HS6ST3: variants seen among roughly 807,000 people sequenced by gnomAD.
HS6ST3 encodes heparan sulfate 6-O-sulfotransferase 3.
Under a neutral mutation model 36.7 loss-of-function variants are expected in HS6ST3, and 12 were observed. The ratio of observed to expected loss-of-function variants is 0.33; its 90% CI spans 0.21 to 0.53. The LOEUF (loss-of-function observed/expected upper bound fraction) is 0.53, where lower values mean the gene tolerates loss of function less well. HS6ST3 is among the 20% of genes least tolerant of loss of function. The pLI, the probability that HS6ST3 is intolerant of heterozygous loss-of-function variation, is 0.95. For synonymous variants in HS6ST3, 240 were observed against 257.5 expected (o/e 0.93, Z 0.65); for missense variants, 584 against 640.9 (o/e 0.91, Z 0.96).
intron 1 of HS6ST3, among the ~76,000 whole-genome samples, chr13:96,729,454 CTTTA>C (rs970929267): frequency 1.3e-5 from 2 of 151,886 alleles, no homozygotes; most frequent in South Asian, 2.1e-4. Context: ...CCAATAGTGA[CTTTA>C]TTTATTTATT....
chr13:96,814,791 T>G (rs939763929), intron 1 of HS6ST3, among the ~76,000 whole-genome samples: 1 of 152,210 alleles, frequency 6.6e-6, no homozygotes, highest in Non-Finnish European at 1.5e-5. Context: ...TTGTCATATA[T>G]GAGTATAAAT....
intron 1 of HS6ST3, among the ~76,000 whole-genome samples, chr13:96,591,491 A>G (rs1402641799): frequency 2.6e-5 from 4 of 152,052 alleles, no homozygotes. Context: ...TTTCTTTTTC[A>G]GATTGTTCAC....
At chr13:96,330,973 A>T (rs2055063092) in intron 1 of HS6ST3, among the ~76,000 whole-genome samples, 1 of 152,002 alleles carries the variant, frequency 6.6e-6, no homozygotes. Context: ...AGTTGATCGC[A>T]TCGGCTCCTG....
chr13:96,699,666 A>C (rs530326566), intron 1 of HS6ST3, among the ~76,000 whole-genome samples: 1 of 152,232 alleles, frequency 6.6e-6, no homozygotes, highest in Admixed American at 6.5e-5. Context: ...TAGTTCAACC[A>C]TTGTGGAAGT....
chr13:96,832,442 C>T (rs1252019637), intron 1 of HS6ST3, 48 bp from the exon 2 acceptor site: 1 of 1,364,904 alleles, frequency 7.3e-7, no homozygotes, highest in Non-Finnish European at 1.0e-6. Flanking sequence ...TTAGATACCT[C>T]CTGTTAGAGT....
intron 1 of HS6ST3, among the ~76,000 whole-genome samples, chr13:96,665,995 C>T (rs1446694011): frequency 6.6e-6 from 1 of 151,990 alleles, no homozygotes; most frequent in Non-Finnish European, 1.5e-5. Context: ...TGTATTAGTC[C>T]ATTCTCATGG....
chr13:96,397,313 A>G (rs1362213973), intron 1 of HS6ST3, among the ~76,000 whole-genome samples: 1 of 152,230 alleles, frequency 6.6e-6, no homozygotes. Flanking sequence ...ATGACTTAGC[A>G]TTTATAATGT....
At chr13:96,441,979 A>G (rs1449719018) in intron 1 of HS6ST3, among the ~76,000 whole-genome samples, 1 of 152,154 alleles carries the variant, frequency 6.6e-6, no homozygotes, top group African/African-American at 2.4e-5. Context: ...AATTGTCACA[A>G]ATTCTCACAT....
At chr13:96,830,287 CATCATAACTCAAAGAGTAT>C (rs1204953872) in intron 1 of HS6ST3, among the ~76,000 whole-genome samples, 2 of 152,126 alleles carry the variant, frequency 1.3e-5, no homozygotes, top group Non-Finnish European at 2.9e-5. Flanking sequence ...AATGTAACCC[CATCATAACTCAAAGAGTAT>C]CTATAGTCAG....
At chr13:96,276,447 C>T (rs979565977) in intron 1 of HS6ST3, among the ~76,000 whole-genome samples, 1 of 152,158 alleles carries the variant, frequency 6.6e-6, no homozygotes, top group African/African-American at 2.4e-5. Context: ...AGCACTAGCT[C>T]AGGTTCTTAT....
chr13:96,131,913 AG>A (rs933045768), intron 1 of HS6ST3, among the ~76,000 whole-genome samples: 1 of 152,074 alleles, frequency 6.6e-6, no homozygotes, highest in African/African-American at 2.4e-5. Context: ...ATAAAAAAAA[AG>A]GTAAAAACTT....
chr13:96,759,727 T>C (rs1876920256), intron 1 of HS6ST3, among the ~76,000 whole-genome samples: 1 of 152,072 alleles, frequency 6.6e-6, no homozygotes, highest in Non-Finnish European at 1.5e-5. Flanking sequence ...GGTTGTTAGC[T>C]CATATTTGAT....
intron 1 of HS6ST3, among the ~76,000 whole-genome samples, chr13:96,101,050 G>A (rs910488640): frequency 6.6e-6 from 1 of 152,152 alleles, no homozygotes; most frequent in Non-Finnish European, 1.5e-5. Flanking sequence ...ACTTTTTGCT[G>A]AGTAATAAAA....
At chr13:96,468,488 AC>A (rs2055825237) in intron 1 of HS6ST3, among the ~76,000 whole-genome samples, 1 of 132,678 alleles carries the variant, frequency 7.5e-6, no homozygotes, top group African/African-American at 3.5e-5. Flanking sequence ...ACACACACAC[AC>A]ACACACACAC....
intron 1 of HS6ST3, among the ~76,000 whole-genome samples, chr13:96,799,948 A>ATATATATATATATATG (rs1878006800): frequency 9.9e-6 from 1 of 101,248 alleles, no homozygotes; most frequent in Admixed American, 1.0e-4. Flanking sequence ...GTGTGTGTAT[A>ATATATATATATATATG]TATATATATA....
chr13:96,590,807 C>A lies in HS6ST3; in HGVS notation c.708-241683C>A, dbSNP rs115292134. Among the ~76,000 whole-genome samples, 887 of 152,116 alleles carry A rather than the reference C, an allele frequency of 5.8e-3. 4 individuals are homozygous for A. The highest frequency in any genetic ancestry group is 0.02 in the African/African-American group (838 of 41,530). On this transcript the variant is annotated intron_variant, in intron 1 of 1. Coordinates refer to ENST00000376705, the MANE Select transcript of HS6ST3 (RefSeq NM_153456.4). ...GAGTTTCTCCAATGTTTTCTTTTAG[C>A]AGTTTCATAGTTTGAAGTCTCATAT...
intron 1 of HS6ST3, among the ~76,000 whole-genome samples, chr13:96,160,308 A>T (rs1337521827): frequency 6.6e-6 from 1 of 152,228 alleles, no homozygotes; most frequent in African/African-American, 2.4e-5. Context: ...CCTAGAAATC[A>T]TTATGCTGTT....
chr13:96,690,148 G>A (rs1248439491), intron 1 of HS6ST3, among the ~76,000 whole-genome samples: 1 of 151,972 alleles, frequency 6.6e-6, no homozygotes, highest in Admixed American at 6.6e-5. Flanking sequence ...ACAACATTAG[G>A]TTTAATAGCA....
Position 96,093,905 on chromosome 13 carries a change from C to A in HS6ST3, c.707+2336C>A, listed in dbSNP as rs956343326. ...TTCACAATGCAAAATGGCAGATAAT[C>A]TATTGGTACATAATGGGAACAAGGT... On this transcript the variant is annotated intron_variant, in intron 1 of 1. Coordinates refer to ENST00000376705, the MANE Select transcript of HS6ST3 (RefSeq NM_153456.4). Among the ~76,000 whole-genome samples the A allele has an allele frequency of 3.3e-5, 5 of 152,218 alleles. No individual in the cohort carries two copies. The South Asian group carries it at 8.3e-4, about 25-fold the overall frequency.
Sources: gnomAD v4.1 joint callset for allele counts (sites outside exome capture counted in the v4.1 genomes callset) on GRCh38, gnomAD v4.1.1 for gene constraint, MANE v1.5 for transcripts, NCBI Gene and HGNC (gene_info 2026-07-23, HGNC 2026-07-21) for gene names.